The following DOCK1 variants were observed in gnomAD, a reference collection of about 807,000 sequenced individuals.
DOCK1 encodes dedicator of cytokinesis protein 1.
In DOCK1, 138 loss-of-function variants were observed where a neutral mutation model predicts 262.7. That is an observed-to-expected ratio of 0.53 (90% CI 0.46 to 0.61). DOCK1 has a LOEUF of 0.61. Among genes scored for constraint, DOCK1 ranks in the 20% least tolerant of loss-of-function variants. DOCK1 has a pLI of 0.00. For missense variants in DOCK1, 1,908 were observed against 2,370.7 expected, an observed-to-expected ratio of 0.80 and a Z score of 4.05; for synonymous variants, 866 against 867.4, an observed-to-expected ratio of 1.00 and a Z score of 0.03.
intron 1 of DOCK1, among the ~76,000 whole-genome samples, chr10:126,943,676 A>G (rs2035185152): frequency 6.6e-6 from 1 of 152,194 alleles, no homozygotes; most frequent in Non-Finnish European, 1.5e-5. Context: ...AGGCAGCCAC[A>G]AGACAGCTGT....
chr10:127,091,051 G>T (rs905761191), intron 23 of DOCK1, among the ~76,000 whole-genome samples: 1 of 146,690 alleles, frequency 6.8e-6, no homozygotes, highest in East Asian at 2.0e-4. Context: ...GTGTGATCTC[G>T]GCTCACTGCA....
chr10:127,306,673 A>G (rs2061889177), intron 29 of DOCK1, among the ~76,000 whole-genome samples: 4 of 152,206 alleles, frequency 2.6e-5, no homozygotes, highest in Admixed American at 6.5e-5. Context: ...TTAGGAATTT[A>G]TCAGGGAAAT....
chr10:126,975,806 C>T (rs553310153), intron 2 of DOCK1, among the ~76,000 whole-genome samples: 30 of 150,646 alleles, frequency 2.0e-4, no homozygotes, highest in Non-Finnish European at 4.0e-4. Context: ...TTAGTAGAGA[C>T]GGGGTTTTGC....
Position 126,927,131 on chromosome 10 carries a change from C to T in DOCK1, c.46+21568C>T, listed in dbSNP as rs78853408. Among the ~76,000 whole-genome samples, 1,222 of 152,214 alleles carry T rather than the reference C, an allele frequency of 8.0e-3. 24 individuals are homozygous for T. The highest frequency in any genetic ancestry group is 0.028 in the African/African-American group (1,149 of 41,518). ...AATAAGGCTCAGAACAATTGTGCTCCGGTGTATTTTGCGTCGTCTTTTTAG... is the reference window on the plus strand; with the variant it reads ...AATAAGGCTCAGAACAATTGTGCTCTGGTGTATTTTGCGTCGTCTTTTTAG... On this transcript the variant is annotated intron_variant, in intron 1 of 51. Coordinates refer to ENST00000623213, the MANE Select transcript of DOCK1 (RefSeq NM_001290223.2).
Position 127,363,097 on chromosome 10 carries a change from A to ACG in DOCK1, c.3432+885_3432+886insCG, listed in dbSNP as rs60896897. On this transcript the variant is annotated intron_variant, in intron 33 of 51. Coordinates refer to ENST00000623213, the MANE Select transcript of DOCK1 (RefSeq NM_001290223.2). Reference sequence around the variant, plus strand: ...CACATATGTGCACACATACACACACATGCACATGCTATGACTTTCTCCTTA... The same window carrying ACG: ...CACATATGTGCACACATACACACACACGTGCACATGCTATGACTTTCTCCTTA... 7.5e-3 allele frequency among the ~76,000 whole-genome samples: 1,066 copies of ACG among 142,494 alleles called. 45 individuals carry two copies. Among genetic ancestry groups the ACG allele is most frequent in the African/African-American group, 0.031 (1,023 of 33,168 alleles). 93.5% of individuals were successfully genotyped at this position (142,494 alleles called of 152,430 possible).
intron 23 of DOCK1, among the ~76,000 whole-genome samples, chr10:127,087,972 T>C (rs1380386573): frequency 1.3e-5 from 2 of 152,238 alleles, no homozygotes; most frequent in African/African-American, 4.8e-5. Context: ...TTCCAATAAA[T>C]GTAATTATTT....
chr10:127,357,138 G>A (rs892163886), intron 32 of DOCK1, among the ~76,000 whole-genome samples: 4 of 152,182 alleles, frequency 2.6e-5, no homozygotes, highest in African/African-American at 9.7e-5. Context: ...CATGTGCCAA[G>A]GTCATTGCCT....
intron 37 of DOCK1, 131 bp downstream of exon 37, chr10:127,381,499 G>A: frequency 2.9e-6 from 2 of 689,884 alleles, no homozygotes; most frequent in South Asian, 3.0e-5. Flanking sequence ...CTAAATAAAT[G>A]CAAGGATATG....
intron 1 of DOCK1, among the ~76,000 whole-genome samples, chr10:126,910,184 A>G (rs2031560092): frequency 1.3e-5 from 2 of 152,402 alleles, no homozygotes; most frequent in African/African-American, 4.8e-5. Flanking sequence ...AATTGCAGCA[A>G]AACCAAATCA....
chr10:127,162,439 C>G (rs890441275), intron 27 of DOCK1, among the ~76,000 whole-genome samples: 1 of 152,182 alleles, frequency 6.6e-6, no homozygotes, highest in Non-Finnish European at 1.5e-5. Context: ...GAGGGCTACC[C>G]TGGCAACCTC....
At chr10:127,010,931 C>A (rs972722616) in intron 11 of DOCK1, among the ~76,000 whole-genome samples, 1 of 137,188 alleles carries the variant, frequency 7.3e-6, no homozygotes, top group African/African-American at 3.5e-5. Context: ...TGTGAAAAGT[C>A]AAAAACAAAA....
In DOCK1 at chr10:127,197,661, C is replaced by G. The variant is rs1431182066; in HGVS notation, c.2848-50347C>G. 2.0e-5 allele frequency among the ~76,000 whole-genome samples: 3 copies of G among 152,168 alleles called. No individual in the cohort carries two copies. In the South Asian group the frequency reaches 6.2e-4, roughly 32 times the overall value. On this transcript the variant is annotated intron_variant, in intron 27 of 51. Transcript: ENST00000623213. ...GACAAATGGAAAGTCCCTTCACCCA[C>G]CCACCTCTCCAGACACATCAGTGGG...
intron 27 of DOCK1, among the ~76,000 whole-genome samples, chr10:127,239,277 T>G (rs759021303): frequency 5.3e-5 from 8 of 152,242 alleles, no homozygotes; most frequent in Non-Finnish European, 8.8e-5. Context: ...GTATGTATTA[T>G]GAGTACATAC....
intron 17 of DOCK1, 125 bp downstream of exon 17, chr10:127,031,878 C>A: frequency 2.1e-6 from 2 of 950,400 alleles, no homozygotes; most frequent in Non-Finnish European, 3.2e-6. Flanking sequence ...TTTAATTATG[C>A]AAATGAACAT....
chr10:127,398,477 T>G (rs1427039141), intron 38 of DOCK1, among the ~76,000 whole-genome samples: 1 of 152,196 alleles, frequency 6.6e-6, no homozygotes, highest in African/African-American at 2.4e-5. Context: ...CTGCTAGTCC[T>G]GGGCCTCCCT....
At chr10:127,404,281 C>T (rs1459125898) in intron 39 of DOCK1, 44 bp from the exon 40 acceptor site, 3 of 1,545,266 alleles carry the variant, frequency 1.9e-6, no homozygotes, top group Non-Finnish European at 2.7e-6. Flanking sequence ...GGCACACATG[C>T]TTGAATACTC....
chr10:127,032,739 T>A (rs2043326111), intron 18 of DOCK1, among the ~76,000 whole-genome samples: 1 of 152,064 alleles, frequency 6.6e-6, no homozygotes, highest in Non-Finnish European at 1.5e-5. Flanking sequence ...TTATTTTTTA[T>A]AGAGATGAGG....
chr10:127,330,295 A>C (rs2062919631), intron 29 of DOCK1, among the ~76,000 whole-genome samples: 1 of 152,170 alleles, frequency 6.6e-6, no homozygotes, highest in African/African-American at 2.4e-5. Flanking sequence ...ACACCTACTC[A>C]GCACTGCTAG....
chr10:127,221,247 G>A (rs1415667318), intron 27 of DOCK1, among the ~76,000 whole-genome samples: 1 of 152,120 alleles, frequency 6.6e-6, no homozygotes, highest in Non-Finnish European at 1.5e-5. Context: ...TTATATTCAC[G>A]TTGTTTTTCC....
Sources: gnomAD v4.1 joint callset for allele counts (sites outside exome capture counted in the v4.1 genomes callset) on GRCh38, gnomAD v4.1.1 for gene constraint, MANE v1.5 for transcripts, NCBI Gene and HGNC (gene_info 2026-07-23, HGNC 2026-07-21) for gene names.